DSCAML1: variants seen among roughly 807,000 people sequenced by gnomAD.
DSCAML1 encodes the protein cell adhesion molecule DSCAML1.
Under a neutral mutation model 200.5 loss-of-function variants are expected in DSCAML1, and 38 were observed. The observed-to-expected ratio is 0.19, with a 90% CI of 0.15 to 0.25. The LOEUF is 0.25. Among genes scored for constraint, DSCAML1 ranks in the 10% least tolerant of loss-of-function variants. The pLI is 1.00. For missense variants in DSCAML1, 2,223 were observed against 2,858.8 expected, an observed-to-expected ratio of 0.78 and a Z score of 5.07; for synonymous variants, 1,215 against 1,165.0, an observed-to-expected ratio of 1.04 and a Z score of -0.87.
chr11:117,751,049 G>A (rs565969469), intron 3 of DSCAML1, among the ~76,000 whole-genome samples: 350 of 152,268 alleles, frequency 2.3e-3, no homozygotes, highest in Middle Eastern at 3.4e-3. Flanking sequence ...CCATTGGGGG[G>A]CAGCCAGAGG....
chr11:117,496,248 G>A (rs2049286697), intron 11 of DSCAML1, among the ~76,000 whole-genome samples: 1 of 152,194 alleles, frequency 6.6e-6, no homozygotes, highest in African/African-American at 2.4e-5. Context: ...TGGAGGGCAG[G>A]GAGGGTGCTT....
intron 5 of DSCAML1, among the ~76,000 whole-genome samples, chr11:117,521,739 TCCCCGCCA>T (rs1382096919): frequency 5.3e-5 from 8 of 149,950 alleles, no homozygotes; most frequent in African/African-American, 2.0e-4. Flanking sequence ...CTCTTTATTC[TCCCCGCCA>T]CCCACCTCAG....
At chr11:117,803,044 G>A (rs934211487) in intron 1 of DSCAML1, among the ~76,000 whole-genome samples, 2 of 151,904 alleles carry the variant, frequency 1.3e-5, no homozygotes, top group African/African-American at 4.8e-5. Flanking sequence ...CTGGCTTCTC[G>A]GTGGGTCTGG....
Position 117,464,360 on chromosome 11 carries a change from C to A in DSCAML1, c.3265+582G>T, listed in dbSNP as rs551137610. On this transcript the variant is annotated intron_variant, in intron 17 of 32. Coordinates refer to ENST00000651296, the MANE Select transcript of DSCAML1 (RefSeq NM_020693.4). ...TGGCATCTTCTCTGTGCTTGGAGTGCAGGCATATTCCTGCTTCCTCCTAAC... is the reference window on the plus strand; with the variant it reads ...TGGCATCTTCTCTGTGCTTGGAGTGAAGGCATATTCCTGCTTCCTCCTAAC... Among the ~76,000 whole-genome samples the A allele has an allele frequency of 2.0e-3, 298 of 152,256 alleles. 5 individuals carry two copies. The highest frequency in any genetic ancestry group is 6.7e-3 in the African/African-American group (279 of 41,544).
At chr11:117,563,334 T>A (rs558487945) in intron 3 of DSCAML1, among the ~76,000 whole-genome samples, 1 of 152,334 alleles carries the variant, frequency 6.6e-6, no homozygotes, top group Non-Finnish European at 1.5e-5. Flanking sequence ...GCACGCATGG[T>A]GCTGGGTCAG....
At chr11:117,453,571 T>A (rs910452612) in intron 19 of DSCAML1, among the ~76,000 whole-genome samples, 1 of 152,138 alleles carries the variant, frequency 6.6e-6, no homozygotes, top group Non-Finnish European at 1.5e-5. Flanking sequence ...TACAAATACA[T>A]CATTGTCCTT....
chr11:117,504,028 G>A lies in DSCAML1; in HGVS notation c.2183-7C>T. On this transcript the variant is annotated splice_polypyrimidine_tract_variant and splice_region_variant and intron_variant, in intron 10 of 32. Transcript: ENST00000651296. The surrounding 1 kb of genome is among the most constrained non-coding windows in gnomAD (Gnocchi z 5.0). Reference sequence around the variant, plus strand: ...TGCTGGGGGTTCCCGCTCCCTGGAAGGAGGCAGCTGTTAGGAGGGCTGAGT... The same window carrying A: ...TGCTGGGGGTTCCCGCTCCCTGGAAAGAGGCAGCTGTTAGGAGGGCTGAGT... 6.2e-7 allele frequency: 1 copy of A among 1,613,364 alleles called. No individual in the cohort carries two copies.
At chr11:117,462,184 C>G (rs2048494243) in intron 17 of DSCAML1, among the ~76,000 whole-genome samples, 3 of 152,318 alleles carry the variant, frequency 2.0e-5, no homozygotes, top group African/African-American at 4.8e-5. Context: ...GACCTTGGGA[C>G]CTCTGGGACC....
chr11:117,491,147 G>A (rs1189981158), intron 11 of DSCAML1, among the ~76,000 whole-genome samples: 1 of 152,172 alleles, frequency 6.6e-6, no homozygotes, highest in Non-Finnish European at 1.5e-5. Flanking sequence ...ACGGGCTGCC[G>A]GGAGAGGCTG....
chr11:117,626,215 C>A (rs2052044414), intron 3 of DSCAML1, among the ~76,000 whole-genome samples: 1 of 123,924 alleles, frequency 8.1e-6, no homozygotes, highest in South Asian at 2.8e-4. Flanking sequence ...CCCCCTCCTT[C>A]TTCTGGCATG....
At chr11:117,431,941 T>C (rs1370370122) in intron 30 of DSCAML1, among the ~76,000 whole-genome samples, 1 of 152,042 alleles carries the variant, frequency 6.6e-6, no homozygotes, top group East Asian at 1.9e-4. Context: ...GTGGAGGGCA[T>C]TCTCCCCGCC....
At chr11:117,737,405 T>C (rs145051413) in intron 3 of DSCAML1, among the ~76,000 whole-genome samples, 364 of 152,226 alleles carry the variant, frequency 2.4e-3, no homozygotes, top group African/African-American at 8.3e-3. Flanking sequence ...ATACAGTGCA[T>C]GGGGGAATGC....
At chr11:117,743,207 C>T (rs1475531321) in intron 3 of DSCAML1, among the ~76,000 whole-genome samples, 2 of 152,150 alleles carry the variant, frequency 1.3e-5, no homozygotes, top group Non-Finnish European at 2.9e-5. Flanking sequence ...TCTTACATAG[C>T]ACAGACGAGG....
At chr11:117,701,024 G>C (rs1470039870) in intron 3 of DSCAML1, among the ~76,000 whole-genome samples, 1 of 152,204 alleles carries the variant, frequency 6.6e-6, no homozygotes, top group African/African-American at 2.4e-5. Flanking sequence ...CCAGCACTTT[G>C]GGAGGCTGAG....
intron 3 of DSCAML1, among the ~76,000 whole-genome samples, chr11:117,580,735 G>C (rs1280674404): frequency 6.6e-6 from 1 of 152,082 alleles, no homozygotes; most frequent in African/African-American, 2.4e-5. Flanking sequence ...TTGCAACCAG[G>C]ATAATGATAG....
At chr11:117,526,545 G>A (rs781758758) in intron 4 of DSCAML1, among the ~76,000 whole-genome samples, 44 of 151,980 alleles carry the variant, frequency 2.9e-4, no homozygotes, top group African/African-American at 9.2e-4. Flanking sequence ...TTGAGACAGA[G>A]TCTCACTCTG....
At chr11:117,789,923 T>C (rs2055429666) in intron 1 of DSCAML1, among the ~76,000 whole-genome samples, 1 of 152,122 alleles carries the variant, frequency 6.6e-6, no homozygotes, top group African/African-American at 2.4e-5. Flanking sequence ...AAAAAGACAC[T>C]GGGTGGGAAA....
intron 32 of DSCAML1, among the ~76,000 whole-genome samples, chr11:117,429,324 T>C (rs3889570): frequency 0.45 from 69,026 of 152,090 alleles, 16,051 homozygotes; most frequent in Non-Finnish European, 0.49. Context: ...CTCTTTCCCA[T>C]GGCAGCCTTC....
At chr11:117,666,901 A>T (rs944072560) in intron 3 of DSCAML1, among the ~76,000 whole-genome samples, 2 of 152,168 alleles carry the variant, frequency 1.3e-5, no homozygotes, top group Non-Finnish European at 2.9e-5. Flanking sequence ...GCTCTCCATA[A>T]TGCAGGTAAT....
Sources: gnomAD v4.1 joint callset for allele counts (sites outside exome capture counted in the v4.1 genomes callset) on GRCh38, gnomAD v4.1.1 for gene constraint, Gnocchi (gnomAD v3.1) non-coding constraint, MANE v1.5 for transcripts, NCBI Gene and HGNC (gene_info 2026-07-23, HGNC 2026-07-21) for gene names.